The following ANXA5 variants were observed in gnomAD, a reference collection of about 807,000 sequenced individuals.
The protein encoded by ANXA5 is annexin A5.
ANXA5 carries 40 observed loss-of-function variants against 48.1 expected under a neutral mutation model. The observed-to-expected ratio is 0.83, with a 90% CI of 0.65 to 1.08. The LOEUF (loss-of-function observed/expected upper bound fraction) is 1.08, where lower values mean the gene tolerates loss of function less well. ANXA5 is among the 50% of genes least tolerant of loss of function. The pLI, the probability that ANXA5 is intolerant of heterozygous loss-of-function variation, is 0.00. For missense variants in ANXA5, 357 were observed against 376.8 expected (o/e 0.95, Z 0.44); for synonymous variants, 113 against 129.1 (o/e 0.88, Z 0.85).
intron 2 of ANXA5, among the ~76,000 whole-genome samples, chr4:121,686,835 G>A (rs1175390719): frequency 2.6e-5 from 4 of 152,200 alleles, no homozygotes; most frequent in South Asian, 2.1e-4. Flanking sequence ...GGGACTTTAC[G>A]ATAACCCAGC....
Position 121,677,874 on chromosome 4 carries a change from C to T in ANXA5, c.531+20G>A. 6.3e-7 allele frequency: 1 copy of T among 1,599,950 alleles called. No individual in the cohort carries two copies. Among genetic ancestry groups the T allele is most frequent in the Non-Finnish European group, 8.6e-7 (1 of 1,167,710 alleles). The stretch of plus-strand genomic sequence containing the variant: ...CATTTCTACAGCATAATAAAGTCAT[C>T]ATATCCTGGTGTCACTCACCTGAGC... On this transcript the variant is annotated intron_variant, in intron 8 of 12. Transcript: ENST00000296511.
chr4:121,694,279 A>G (rs956547234), intron 2 of ANXA5, among the ~76,000 whole-genome samples: 3 of 101,910 alleles, frequency 2.9e-5, no homozygotes, highest in African/African-American at 5.0e-5. Context: ...AAATAAATAA[A>G]AAATAAACAA....
At position 121,668,423 on chromosome 4, in the gene ANXA5, T is replaced by TG. The variant is rs773274521; in HGVS notation, c.*44dup. The TG allele has an allele frequency of 3.8e-6, 6 of 1,573,956 alleles. No homozygotes were observed. Among genetic ancestry groups the TG allele is most frequent in the Non-Finnish European group, 5.2e-6 (6 of 1,144,030 alleles). ...AGCTAAAGGTGCTGAAGGAAGGCAGTGGGGTGGTGCAGGCACACAGCAGGG... is the reference window on the plus strand; with the variant it reads ...AGCTAAAGGTGCTGAAGGAAGGCAGTGGGGGTGGTGCAGGCACACAGCAGGG... On this transcript the variant is annotated 3_prime_UTR_variant, in exon 13 of 13. Coordinates refer to ENST00000296511, the MANE Select transcript of ANXA5 (RefSeq NM_001154.4).
chr4:121,670,798 T>G (rs1161555104), intron 10 of ANXA5, among the ~76,000 whole-genome samples: 2 of 152,164 alleles, frequency 1.3e-5, no homozygotes, highest in African/African-American at 4.8e-5. Flanking sequence ...AAAAGTACAT[T>G]AACTGTGTAC....
intron 9 of ANXA5, 75 bp downstream of exon 9, chr4:121,672,436 CTAAGTCCCTGCTATGTAGCAGG>C: frequency 2.5e-6 from 2 of 788,872 alleles, no homozygotes; most frequent in South Asian, 3.3e-5. Context: ...GATTCATTCT[CTAAGTCCCTGCTATGTAGCAGG>C]TATTCTGTCA....
intron 4 of ANXA5, among the ~76,000 whole-genome samples, chr4:121,683,774 A>G (rs1266946254): frequency 6.6e-6 from 1 of 152,228 alleles, no homozygotes; most frequent in African/African-American, 2.4e-5. Flanking sequence ...TTATAAAAAT[A>G]CTATTCTGAG....
intron 12 of ANXA5, 175 bp downstream of exon 12, chr4:121,669,427 A>C: frequency 1.3e-6 from 1 of 751,452 alleles, no homozygotes; most frequent in Non-Finnish European, 2.2e-6. Flanking sequence ...TTCACTTGGG[A>C]GCCATCATCT....
At chr4:121,696,798 C>A (rs1265807037) in intron 1 of ANXA5, 65 bp downstream of exon 1, 5 of 393,820 alleles carry the variant, frequency 1.3e-5, no homozygotes, top group Non-Finnish European at 2.3e-5. Flanking sequence ...CCGCGCGAAT[C>A]CAGTGCCCCG....
chr4:121,672,429 T>G, intron 9 of ANXA5, 104 bp downstream of exon 9: 2 of 727,090 alleles, frequency 2.8e-6, no homozygotes, highest in South Asian at 3.7e-5. Context: ...AAAAACTGAT[T>G]CATTCTCTAA....
Position 121,696,605 on chromosome 4 carries a change from CA to C in ANXA5, c.-17del. 1.4e-6 allele frequency: 2 copies of C among 1,421,322 alleles called. No individual in the cohort carries two copies. The highest frequency in any genetic ancestry group is 1.9e-6 in the Non-Finnish European group (2 of 1,077,208). The allele number at this position is 1,421,322 out of a possible 1,614,324, so 88.0% of individuals were successfully genotyped here. A position where few individuals can be genotyped will look rare whatever the true frequency, so the allele number is the denominator to read the frequency against. On this transcript the variant is annotated 5_prime_UTR_variant, in exon 2 of 13. Coordinates refer to ENST00000296511, the MANE Select transcript of ANXA5 (RefSeq NM_001154.4). Reference sequence around the variant, plus strand: ...CCTGTGCCATGGCGACTACTCAGGTCAGGGGAAGGTGAAGCAGGACTGCAAA... The same window carrying C: ...CCTGTGCCATGGCGACTACTCAGGTCGGGGAAGGTGAAGCAGGACTGCAAA...
At chr4:121,682,100 GAAGT>G (rs1724803598) in intron 5 of ANXA5, among the ~76,000 whole-genome samples, 1 of 152,054 alleles carries the variant, frequency 6.6e-6, no homozygotes, top group Non-Finnish European at 1.5e-5. Context: ...CATGAAACAT[GAAGT>G]AATTTTTTAA....
rs1429520003 is a variant in ANXA5 at position 121,683,524 on chromosome 4, A to T, written c.190-47T>A. Reference sequence around the variant, plus strand: ...TTTGTTAACCAGCAGAAATTGTAATAAGATTCTTCTTAAATATGAATGACA... The same window carrying T: ...TTTGTTAACCAGCAGAAATTGTAATTAGATTCTTCTTAAATATGAATGACA... On this transcript the variant is annotated intron_variant, in intron 4 of 12. Coordinates refer to ENST00000296511, the MANE Select transcript of ANXA5 (RefSeq NM_001154.4). 2.7e-6 allele frequency: 3 copies of T among 1,099,514 alleles called. No homozygotes were observed. The African/African-American group carries it at 4.7e-5, about 17-fold the overall frequency. 68.1% of individuals were successfully genotyped at this position (1,099,514 alleles called of 1,614,324 possible). A position where few individuals can be genotyped will look rare whatever the true frequency, so the allele number is the denominator to read the frequency against.
At chr4:121,693,844 A>C (rs1275639204) in intron 2 of ANXA5, among the ~76,000 whole-genome samples, 1 of 152,094 alleles carries the variant, frequency 6.6e-6, no homozygotes, top group Non-Finnish European at 1.5e-5. Flanking sequence ...TAAAAAATGA[A>C]TGGCATGAAA....
chr4:121,695,891 G>A (rs541995976), intron 2 of ANXA5, among the ~76,000 whole-genome samples: 1 of 149,404 alleles, frequency 6.7e-6, no homozygotes, highest in Admixed American at 6.7e-5. Context: ...GACAGAGTGA[G>A]ACTCCGTCTC....
chr4:121,675,087 C>G (rs1188724655), intron 8 of ANXA5, among the ~76,000 whole-genome samples: 1 of 152,204 alleles, frequency 6.6e-6, no homozygotes, highest in African/African-American at 2.4e-5. Flanking sequence ...CCTTCTCCCT[C>G]TTTCCTCTAA....
In ANXA5 at chr4:121,686,086, G is replaced by C. The variant is rs143882534; in HGVS notation, c.94+202C>G. 5.7e-3 allele frequency among the ~76,000 whole-genome samples: 840 copies of C among 148,558 alleles called. 3 individuals carry two copies. The highest frequency in any genetic ancestry group is 0.019 in the African/African-American group (768 of 40,464). Reference sequence around the variant, plus strand: ...TTATTGTTAGTGTATTTTATGTGTGGCCCAAGATAATTCTTCCAATGTGGC... The same window carrying C: ...TTATTGTTAGTGTATTTTATGTGTGCCCCAAGATAATTCTTCCAATGTGGC... On this transcript the variant is annotated intron_variant, in intron 3 of 12. Transcript: ENST00000296511.
At chr4:121,671,705 T>A in intron 9 of ANXA5, 63 bp from the exon 10 acceptor site, 1 of 1,137,984 alleles carries the variant, frequency 8.8e-7, no homozygotes, top group South Asian at 1.3e-5. Context: ...AAGATGGTAT[T>A]TACTTTGATT....
intron 4 of ANXA5, among the ~76,000 whole-genome samples, chr4:121,683,997 A>G (rs1724834814): frequency 1.3e-5 from 2 of 151,994 alleles, no homozygotes; most frequent in African/African-American, 4.8e-5. Flanking sequence ...AATTATGAAA[A>G]AATTATGTAA....
Position 121,681,696 on chromosome 4 carries a change from T to C in ANXA5, c.369A>G (p.Arg123=). Residue 123 remains arginine, a synonymous_variant, in exon 6 of 13, where the codon AGA becomes AGG. Coordinates refer to ENST00000296511, the MANE Select transcript of ANXA5 (RefSeq NM_001154.4). ...CTTCTTCATAAACTTGTTTGATGGC[T>C]CTCAGTTCTTCAGGTGTCCTTGAAG... ...IIASRTPEEL[R]AIKQVYEEEY... 1 of 1,612,556 alleles carries C rather than the reference T, an allele frequency of 6.2e-7. No individual in the cohort carries two copies. The highest frequency in any genetic ancestry group is 8.5e-7 in the Non-Finnish European group (1 of 1,178,928).
Sources: allele counts gnomAD v4.1 joint callset (sites outside exome capture counted in the v4.1 genomes callset), GRCh38; gene constraint gnomAD v4.1.1; transcripts MANE v1.5; gene names NCBI Gene and HGNC (gene_info 2026-07-23, HGNC 2026-07-21).